The following LEPROTL1 variants were observed in gnomAD, a reference collection of about 807,000 sequenced individuals.
LEPROTL1 encodes the protein leptin receptor overlapping transcript like 1, also known as leptin receptor overlapping transcript-like 1.
LEPROTL1 carries 6 observed loss-of-function variants against 15.4 expected under a neutral mutation model. The observed-to-expected ratio is 0.39, with a 90% confidence interval of 0.21 to 0.77. The LOEUF (loss-of-function observed/expected upper bound fraction) is 0.77, where lower values mean the gene tolerates loss of function less well. LEPROTL1 is among the 30% of genes least tolerant of loss of function. The pLI is 0.41. For missense variants in LEPROTL1, 128 were observed against 158.1 expected (o/e 0.81, Z 1.02); for synonymous variants, 56 against 52.6 (o/e 1.06, Z -0.28).
At chr8:30,130,312 T>G (rs1211285334) in intron 3 of LEPROTL1, among the ~76,000 whole-genome samples, 1 of 152,160 alleles carries the variant, frequency 6.6e-6, no homozygotes, top group Non-Finnish European at 1.5e-5. Context: ...TAAAATAGAA[T>G]TAGCACACCA....
intron 3 of LEPROTL1, 153 bp downstream of exon 3, chr8:30,104,639 T>A: frequency 2.2e-6 from 1 of 465,002 alleles, no homozygotes. Context: ...TTGTTCTTGT[T>A]AACTAATAAA....
intron 3 of LEPROTL1, among the ~76,000 whole-genome samples, chr8:30,130,010 A>C (rs538365626): frequency 6.6e-6 from 1 of 152,028 alleles, no homozygotes; most frequent in Non-Finnish European, 1.5e-5. Flanking sequence ...GCAAGGGGGA[A>C]ATCCACCCCC....
At chr8:30,137,286 C>G (rs1291096991) in exon 5 of LEPROTL1, 5 of 1,551,520 alleles carry the variant, frequency 3.2e-6, no homozygotes, top group African/African-American at 1.4e-5. Flanking sequence ...GGCGCCTACC[C>G]TTCTTCAGCA....
intron 3 of LEPROTL1, among the ~76,000 whole-genome samples, chr8:30,124,576 C>A (rs1228367427): frequency 6.6e-6 from 1 of 152,060 alleles, no homozygotes; most frequent in African/African-American, 2.4e-5. Context: ...AACAATAAAG[C>A]TTTACTATCC....
chr8:30,108,076 G>A lies in LEPROTL1; in HGVS notation c.*2214G>A, dbSNP rs552720352. On this transcript the variant is annotated 3_prime_UTR_variant, in exon 4 of 4. Transcript: ENST00000321250. Reference sequence around the variant, plus strand: ...AGATTTTAAATATCTATTTTAGTTTGTGGGTGTTTTTGAAATGAAAATATA... The same window carrying A: ...AGATTTTAAATATCTATTTTAGTTTATGGGTGTTTTTGAAATGAAAATATA... 90 of 828,488 alleles carry A rather than the reference G, an allele frequency of 1.1e-4. No homozygotes were observed. In the African/African-American group the frequency reaches 1.6e-3, roughly 15 times the overall value. The allele number at this position is 828,488 out of a possible 1,614,324, so 51.3% of individuals were successfully genotyped here.
intron 3 of LEPROTL1, among the ~76,000 whole-genome samples, chr8:30,125,444 G>A (rs1302790340): frequency 6.6e-6 from 1 of 152,154 alleles, no homozygotes; most frequent in African/African-American, 2.4e-5. Context: ...CAAATGGAAG[G>A]AATATAATAG....
chr8:30,104,768 A>C (rs1237528994), intron 3 of LEPROTL1: 2 of 199,274 alleles, frequency 1.0e-5, no homozygotes, highest in Non-Finnish European at 1.9e-5. Flanking sequence ...CCTGGAGTGC[A>C]GTGGCGTGAT....
intron 3 of LEPROTL1, among the ~76,000 whole-genome samples, chr8:30,124,017 T>C (rs1410803830): frequency 1.3e-5 from 2 of 151,798 alleles, no homozygotes; most frequent in Non-Finnish European, 2.9e-5. Context: ...GCAAGGCCAT[T>C]GTACCTGGAG....
In LEPROTL1 at chr8:30,134,615, G is replaced by C. The variant is rs901660044; in HGVS notation, c.394+2126G>C. Among the ~76,000 whole-genome samples the C allele has an allele frequency of 3.4e-5, 5 of 146,268 alleles. No individual in the cohort carries two copies. The Admixed American group carries it at 3.4e-4, about 10-fold the overall frequency. On this transcript the variant is annotated intron_variant, in intron 4 of 4. Transcript: ENST00000442880. ...GGAGTGCAGTGGCGCGATCTCAGCC[G>C]CCCACTGCAACCTCTGCTGCCTCCT...
At chr8:30,124,570 A>G (rs1340133334) in intron 3 of LEPROTL1, among the ~76,000 whole-genome samples, 2 of 152,182 alleles carry the variant, frequency 1.3e-5, no homozygotes, top group Non-Finnish European at 2.9e-5. Flanking sequence ...AAAGTTAACA[A>G]TAAAGCTTTA....
intron 3 of LEPROTL1, among the ~76,000 whole-genome samples, chr8:30,128,897 T>C (rs1477246311): frequency 8.7e-5 from 1 of 11,540 alleles, no homozygotes; most frequent in African/African-American, 1.1e-4. Flanking sequence ...TCTGTTTTTC[T>C]TTTTTTTTTT....
At chr8:30,117,801 CAGG>C in intron 3 of LEPROTL1, 1 of 708,786 alleles carries the variant, frequency 1.4e-6, no homozygotes, top group Non-Finnish European at 2.5e-6. Context: ...AGAAAGATGG[CAGG>C]AGGAGCAGTG....
chr8:30,108,753 A>G (rs775305215), downstream of LEPROTL1, among the ~76,000 whole-genome samples: 1 of 151,470 alleles, frequency 6.6e-6, no homozygotes, highest in Non-Finnish European at 1.5e-5. Context: ...TCAGCCTCCT[A>G]CGTAGCTGGG....
chr8:30,096,340 C>A (rs952928912), intron 1 of LEPROTL1: 1 of 984,966 alleles, frequency 1.0e-6, no homozygotes, highest in East Asian at 1.1e-4. Flanking sequence ...TGATGAGAAG[C>A]AAAGTTTTCA....
At chr8:30,117,713 G>A (rs1227476155) in intron 3 of LEPROTL1, 30 of 1,300,318 alleles carry the variant, frequency 2.3e-5, no homozygotes, top group South Asian at 7.1e-5. Context: ...CCTGGCTGGC[G>A]TTTGCCTCTC....
At chr8:30,131,037 G>A (rs528621248) in intron 3 of LEPROTL1, among the ~76,000 whole-genome samples, 17 of 151,640 alleles carry the variant, frequency 1.1e-4, no homozygotes, top group South Asian at 8.3e-4. Context: ...CTTGTGATCC[G>A]CCCGTCTCGG....
intron 3 of LEPROTL1, among the ~76,000 whole-genome samples, chr8:30,129,248 G>T (rs572756348): frequency 6.6e-6 from 1 of 152,152 alleles, no homozygotes; most frequent in Non-Finnish European, 1.5e-5. Flanking sequence ...GACCCTCACT[G>T]TGTTATGTTC....
At chr8:30,135,682 G>A (rs750903360) in intron 4 of LEPROTL1, among the ~76,000 whole-genome samples, 1 of 152,154 alleles carries the variant, frequency 6.6e-6, no homozygotes, top group African/African-American at 2.4e-5. Flanking sequence ...GCTGAGGTGA[G>A]GTGGGCTGAT....
chr8:30,112,401 A>ATTTTTTTTTTTTTTT (rs10684450), downstream of LEPROTL1, among the ~76,000 whole-genome samples: 57 of 27,886 alleles, frequency 2.0e-3, 9 homozygotes, highest in South Asian at 0.012. Context: ...TGCCCAGCTA[A>ATTTTTTTTTTTTTTT]TTTTTTTTTT....
Sources: gnomAD v4.1 joint callset for allele counts (sites outside exome capture counted in the v4.1 genomes callset) on GRCh38, gnomAD v4.1.1 for gene constraint, MANE v1.5 for transcripts, NCBI Gene and HGNC (gene_info 2026-07-23, HGNC 2026-07-21) for gene names.